UBXN2A: variants seen among roughly 807,000 people sequenced by gnomAD.
UBXN2A encodes UBX domain protein 2A, also known as UBX domain-containing protein 2A.
UBXN2A carries 28 observed loss-of-function variants against 28.4 expected under a neutral mutation model. The ratio of observed to expected loss-of-function variants is 0.99; its 90% CI spans 0.73 to 1.35. UBXN2A has a LOEUF of 1.35. Among genes scored for constraint, UBXN2A ranks in the 40% most tolerant of loss-of-function variants. UBXN2A has a pLI of 0.00. For missense variants in UBXN2A, 253 were observed against 297.9 expected, an observed-to-expected ratio of 0.85 and a Z score of 1.11; for synonymous variants, 97 against 103.6, an observed-to-expected ratio of 0.94 and a Z score of 0.39.
chr2:24,003,219 A>G lies in UBXN2A; in HGVS notation c.*3352A>G, dbSNP rs1394816262. 1 of 152,194 alleles carries G rather than the reference A, an allele frequency of 6.6e-6. No homozygotes were observed. Among genetic ancestry groups the G allele is most frequent in the East Asian group, 1.9e-4 (1 of 5,200 alleles). The allele number at this position is 152,194 out of a possible 1,614,324, so 9.4% of individuals were successfully genotyped here. On this transcript the variant is annotated 3_prime_UTR_variant, in exon 7 of 7. Transcript: ENST00000309033. ...AATTCTGTCCTAAGCTTTTACCCTG[A>G]GAAAATAAAACCTGCATGCTTTCAC...
chr2:23,940,116 A>C (rs796761037), upstream of UBXN2A, among the ~76,000 whole-genome samples: 9 of 151,746 alleles, frequency 5.9e-5, 1 homozygote, highest in African/African-American at 2.2e-4. Flanking sequence ...GTCTCAAAAA[A>C]AAAAAAAAAA....
chr2:23,931,151 CAA>C (rs1055576346), intron 1 of UBXN2A, among the ~76,000 whole-genome samples: 1 of 146,080 alleles, frequency 6.8e-6, no homozygotes, highest in African/African-American at 2.5e-5. Flanking sequence ...GATTCCATCT[CAA>C]AAAAAAAAGG....
At chr2:23,927,882 AG>A (rs1484630591) in intron 1 of UBXN2A, among the ~76,000 whole-genome samples, 3 of 152,214 alleles carry the variant, frequency 2.0e-5, no homozygotes, top group Admixed American at 2.0e-4. Context: ...TCATATGAAA[AG>A]CTCTGCTGTA....
chr2:23,983,004 CT>C lies in UBXN2A; in HGVS notation c.400del (p.Ser134GlnfsTer7). On this transcript the variant is annotated frameshift_variant, in exon 5 of 7. Coordinates refer to ENST00000309033, the MANE Select transcript of UBXN2A (RefSeq NM_181713.4). LOFTEE classifies it high-confidence loss of function. ...TGTCTACGAAGCCTGTGTTCCAGCC[CT>C]TTTCAGGACAGGGTCACAGACTAGG... ...CLSTKPVFQP[F>X]SGQGHRLGSA... 1.2e-6 allele frequency: 2 copies of C among 1,608,158 alleles called. No individual in the cohort carries two copies. The highest frequency in any genetic ancestry group is 1.7e-5 in the Admixed American group (1 of 59,338).
chr2:23,935,106 C>T (rs1309095309), intron 1 of UBXN2A, among the ~76,000 whole-genome samples: 1 of 151,948 alleles, frequency 6.6e-6, no homozygotes, highest in Non-Finnish European at 1.5e-5. Flanking sequence ...GAGCAAACAC[C>T]TAAATGTCAG....
At chr2:23,954,074 G>A (rs567925605) in intron 1 of UBXN2A, among the ~76,000 whole-genome samples, 1 of 151,872 alleles carries the variant, frequency 6.6e-6, no homozygotes, top group Non-Finnish European at 1.5e-5. Context: ...GTGCAATGGC[G>A]TGGTCTCAGC....
intron 3 of UBXN2A, 58 bp from the exon 4 acceptor site, chr2:23,976,911 C>T (rs1707687720): frequency 1.4e-6 from 2 of 1,444,580 alleles, no homozygotes; most frequent in South Asian, 1.2e-5. Flanking sequence ...TTTCAAAGGA[C>T]TTTCAATCCT....
At chr2:23,966,821 C>T (rs1040899881) in intron 2 of UBXN2A, among the ~76,000 whole-genome samples, 4 of 148,038 alleles carry the variant, frequency 2.7e-5, no homozygotes, top group African/African-American at 1.0e-4. Context: ...GTTGCCCAGG[C>T]CTGGAGTACA....
At chr2:23,989,904 C>T (rs1220803892) in intron 6 of UBXN2A, among the ~76,000 whole-genome samples, 1 of 152,036 alleles carries the variant, frequency 6.6e-6, no homozygotes, top group Non-Finnish European at 1.5e-5. Context: ...GACCTTGTCT[C>T]AAAAAATATC....
intron 1 of UBXN2A, among the ~76,000 whole-genome samples, chr2:23,943,154 A>G (rs1705857119): frequency 6.6e-6 from 1 of 151,832 alleles, no homozygotes; most frequent in African/African-American, 2.4e-5. Context: ...ACGGGGTTTC[A>G]CTGTGTTGGC....
intron 6 of UBXN2A, among the ~76,000 whole-genome samples, chr2:23,985,486 A>C (rs1708087935): frequency 6.6e-6 from 1 of 152,184 alleles, no homozygotes. Context: ...TTCTGACCTC[A>C]AGTGATCTGC....
chr2:23,942,449 A>T (rs1456904003), intron 1 of UBXN2A, among the ~76,000 whole-genome samples: 3 of 129,138 alleles, frequency 2.3e-5, no homozygotes, highest in Admixed American at 1.8e-4. Context: ...TTTGTTACAG[A>T]GTCTCGCTCT....
chr2:23,940,173 G>A (rs141120458), upstream of UBXN2A, among the ~76,000 whole-genome samples: 136 of 151,872 alleles, frequency 9.0e-4, no homozygotes, highest in African/African-American at 3.1e-3. Context: ...CAGGGCTCAG[G>A]TCAAGTTCAA....
intron 6 of UBXN2A, among the ~76,000 whole-genome samples, chr2:23,995,940 A>G (rs1325544728): frequency 6.6e-6 from 1 of 151,990 alleles, no homozygotes; most frequent in Non-Finnish European, 1.5e-5. Context: ...CTGTCACCCA[A>G]TTTGGAGTGC....
intron 6 of UBXN2A, among the ~76,000 whole-genome samples, chr2:23,993,907 C>G (rs1274740879): frequency 6.6e-6 from 1 of 152,082 alleles, no homozygotes; most frequent in Non-Finnish European, 1.5e-5. Context: ...CCAGGCTGGT[C>G]TCCAACTCCT....
In UBXN2A at chr2:23,958,356, G is replaced by A; in HGVS notation, c.41+1G>A. ...ACCTCAAAAGTATAAAAGAAGAATG[G>A]TAAGTTAATTCAAACTGAATTGCTT... On this transcript the variant is annotated splice_donor_variant, in intron 2 of 6. Coordinates refer to ENST00000309033, the MANE Select transcript of UBXN2A (RefSeq NM_181713.4). LOFTEE classifies it high-confidence loss of function. The A allele has an allele frequency of 6.2e-7, 1 of 1,604,268 alleles. No homozygotes were observed. Among genetic ancestry groups the A allele is most frequent in the Non-Finnish European group, 8.5e-7 (1 of 1,176,890 alleles).
At chr2:23,978,745 C>T (rs1468389031) in intron 4 of UBXN2A, among the ~76,000 whole-genome samples, 2 of 151,912 alleles carry the variant, frequency 1.3e-5, no homozygotes, top group Admixed American at 6.6e-5. Flanking sequence ...GGGTGGATCA[C>T]GAGGTCAGGA....
chr2:23,987,791 A>C (rs1216427272), intron 6 of UBXN2A, among the ~76,000 whole-genome samples: 1 of 145,966 alleles, frequency 6.9e-6, no homozygotes, highest in Non-Finnish European at 1.5e-5. Context: ...AAAAAAAAAA[A>C]CAAAAAAAAC....
chr2:23,943,420 T>A (rs1705868119), intron 1 of UBXN2A, among the ~76,000 whole-genome samples: 1 of 152,104 alleles, frequency 6.6e-6, no homozygotes, highest in East Asian at 1.9e-4. Context: ...TCTTCTCATG[T>A]TAATAATTTT....
Sources: gnomAD v4.1 joint callset for allele counts (sites outside exome capture counted in the v4.1 genomes callset) on GRCh38, gnomAD v4.1.1 for gene constraint, MANE v1.5 for transcripts, NCBI Gene and HGNC (gene_info 2026-07-23, HGNC 2026-07-21) for gene names.